The following TRAPPC9 variants were observed in gnomAD, a reference collection of about 807,000 sequenced individuals.
TRAPPC9 encodes the protein trafficking protein particle complex subunit 9.
A neutral mutation model predicts 124.0 loss-of-function variants in TRAPPC9; 83 were observed. The observed-to-expected ratio is 0.67, with a 90% confidence interval of 0.56 to 0.80. The LOEUF (loss-of-function observed/expected upper bound fraction) is 0.80. Among genes scored for constraint, TRAPPC9 ranks in the 30% least tolerant of loss-of-function variants. The pLI is 0.00. For synonymous variants in TRAPPC9, 638 were observed against 617.5 expected, an observed-to-expected ratio of 1.03 and a Z score of -0.49; for missense variants, 1,302 against 1,508.3, an observed-to-expected ratio of 0.86 and a Z score of 2.27.
At chr8:140,393,459 A>G (rs572422048) in intron 7 of TRAPPC9, among the ~76,000 whole-genome samples, 28 of 152,320 alleles carry the variant, frequency 1.8e-4, no homozygotes, top group South Asian at 1.7e-3. Context: ...GCCATTTGTG[A>G]ATTATCTTAG....
At chr8:140,204,313 G>A (rs1301570205) in intron 17 of TRAPPC9, among the ~76,000 whole-genome samples, 2 of 152,144 alleles carry the variant, frequency 1.3e-5, no homozygotes, top group African/African-American at 4.8e-5. Flanking sequence ...ATGAGTTCAT[G>A]TCCTTTGTAG....
chr8:140,438,493 C>A (rs2070895504), intron 3 of TRAPPC9, among the ~76,000 whole-genome samples: 2 of 152,060 alleles, frequency 1.3e-5, no homozygotes, highest in Admixed American at 6.6e-5. Flanking sequence ...GCAAGGTATA[C>A]TAAGAACAGA....
At chr8:139,888,430 C>T (rs991311575) in intron 20 of TRAPPC9, among the ~76,000 whole-genome samples, 1 of 152,146 alleles carries the variant, frequency 6.6e-6, no homozygotes, top group Non-Finnish European at 1.5e-5. Flanking sequence ...GAGGAGTGCA[C>T]GGAATCATAC....
chr8:140,433,623 T>TA, intron 4 of TRAPPC9, among the ~76,000 whole-genome samples: 1 of 152,172 alleles, frequency 6.6e-6, no homozygotes. Context: ...AAAACACACA[T>TA]AATCTATTCA....
rs74646977 is a variant in TRAPPC9 at position 140,027,532 on chromosome 8, T to C, written c.2557-3453A>G. Among the ~76,000 whole-genome samples the C allele has an allele frequency of 5.6e-3, 845 of 152,136 alleles. 8 individuals are homozygous for C. Among genetic ancestry groups the C allele is most frequent in the African/African-American group, 0.019 (795 of 41,514 alleles). On this transcript the variant is annotated intron_variant, in intron 17 of 22. Transcript: ENST00000438773. ...AAAGTACCACATCACCAAGAGGAAA[T>C]AGTCTGTGTTTCTACTTTCTGGGAA...
At chr8:139,973,574 G>A (rs980181430) in intron 19 of TRAPPC9, among the ~76,000 whole-genome samples, 16 of 152,188 alleles carry the variant, frequency 1.1e-4, no homozygotes, top group Admixed American at 2.0e-4. Flanking sequence ...GAATAGTAAC[G>A]GAAATAAAAA....
At chr8:140,023,445 T>C (rs1226860007) in intron 18 of TRAPPC9, among the ~76,000 whole-genome samples, 1 of 152,224 alleles carries the variant, frequency 6.6e-6, no homozygotes, top group African/African-American at 2.4e-5. Flanking sequence ...AAAGCCTTTG[T>C]ATGCGAAGGG....
intron 21 of TRAPPC9, among the ~76,000 whole-genome samples, chr8:139,732,888 C>G (rs1233791910): frequency 2.0e-5 from 3 of 152,172 alleles, no homozygotes; most frequent in African/African-American, 7.2e-5. Context: ...AGCATGGATT[C>G]ATCTCCTCTT....
At chr8:139,977,816 G>C (rs562242674) in intron 19 of TRAPPC9, among the ~76,000 whole-genome samples, 5 of 151,636 alleles carry the variant, frequency 3.3e-5, no homozygotes, top group African/African-American at 1.2e-4. Context: ...GAATAGCTGA[G>C]ATTACAGGTG....
intron 19 of TRAPPC9, among the ~76,000 whole-genome samples, chr8:139,935,574 T>C (rs775037755): frequency 6.6e-6 from 1 of 152,074 alleles, no homozygotes; most frequent in Non-Finnish European, 1.5e-5. Flanking sequence ...TCTAGCTTCC[T>C]TCCCAGAGCT....
intron 9 of TRAPPC9, among the ~76,000 whole-genome samples, chr8:140,357,709 C>T (rs948965282): frequency 2.0e-5 from 3 of 152,162 alleles, no homozygotes; most frequent in Admixed American, 6.5e-5. Flanking sequence ...CAGCAGGAGA[C>T]ACGGGTGGCT....
chr8:140,292,180 G>GA (rs535773202), intron 11 of TRAPPC9, among the ~76,000 whole-genome samples: 1 of 152,166 alleles, frequency 6.6e-6, no homozygotes, highest in South Asian at 2.1e-4. Flanking sequence ...AAACCAGAAG[G>GA]AATTTCAGAA....
intron 18 of TRAPPC9, among the ~76,000 whole-genome samples, chr8:139,989,947 C>A (rs56238027): frequency 0.1 from 15,921 of 152,146 alleles, 1,018 homozygotes; most frequent in African/African-American, 0.18. Flanking sequence ...ATGGCTGCAC[C>A]CACGACAGGA....
chr8:140,152,614 C>T lies in TRAPPC9; in HGVS notation c.2556+68845G>A, dbSNP rs374726356. Among the ~76,000 whole-genome samples the T allele has an allele frequency of 4.5e-4, 68 of 151,958 alleles. No homozygotes were observed. The East Asian group carries it at 9.1e-3, about 20-fold the overall frequency. ...CGATCTCCTGACCTCGTGATCCACC[C>T]GCCTCGGCCTCCCAAAGTGCTGGGA... On this transcript the variant is annotated intron_variant, in intron 17 of 22. Transcript: ENST00000438773.
chr8:140,040,158 T>C (rs1841173680), intron 17 of TRAPPC9: 1 of 152,298 alleles, frequency 6.6e-6, no homozygotes, highest in Non-Finnish European at 1.5e-5. Context: ...CTGTCAGCAG[T>C]GCCCAGCCCA....
intron 20 of TRAPPC9, among the ~76,000 whole-genome samples, chr8:139,894,562 G>C (rs1186308960): frequency 1.3e-5 from 2 of 148,550 alleles, no homozygotes; most frequent in African/African-American, 5.2e-5. Context: ...AGCGGAGGGA[G>C]GGGGGGGCTG....
At chr8:140,295,214 A>G (rs892236345) in intron 11 of TRAPPC9, among the ~76,000 whole-genome samples, 4 of 152,230 alleles carry the variant, frequency 2.6e-5, no homozygotes, top group African/African-American at 9.6e-5. Flanking sequence ...ATGCATCCCC[A>G]GCACATAGCA....
At chr8:139,999,171 A>G (rs987461738) in intron 18 of TRAPPC9, among the ~76,000 whole-genome samples, 8 of 152,214 alleles carry the variant, frequency 5.3e-5, no homozygotes, top group Admixed American at 2.0e-4. Context: ...ATTAATAGAC[A>G]GAGATTGTCA....
In TRAPPC9 at chr8:140,451,381, T is replaced by G; in HGVS notation, c.-8A>C. Reference sequence around the variant, plus strand: ...GTAGTCAGGGACGCTCATTTTGAAGTCCCTGTTCAGAGAGAAGAAATGAGG... The same window carrying G: ...GTAGTCAGGGACGCTCATTTTGAAGGCCCTGTTCAGAGAGAAGAAATGAGG... On this transcript the variant is annotated splice_region_variant and 5_prime_UTR_variant, in exon 2 of 23. Transcript: ENST00000438773. The G allele has an allele frequency of 6.2e-7, 1 of 1,600,488 alleles. No homozygotes were observed. The highest frequency in any genetic ancestry group is 1.3e-5 in the African/African-American group (1 of 74,992).
Sources: allele counts gnomAD v4.1 joint callset (sites outside exome capture counted in the v4.1 genomes callset), GRCh38; gene constraint gnomAD v4.1.1; transcripts MANE v1.5; gene names NCBI Gene and HGNC (gene_info 2026-07-23, HGNC 2026-07-21).